Variants in LRRC3B observed in about 807,000 individuals in gnomAD.
LRRC3B encodes leucine rich repeat containing 3B.
Under a neutral mutation model 12.8 loss-of-function variants are expected in LRRC3B, and 2 were observed. The observed-to-expected ratio is 0.16, with a 90% CI of 0.06 to 0.49. The LOEUF (loss-of-function observed/expected upper bound fraction) is 0.49. Among genes scored for constraint, LRRC3B ranks in the 20% least tolerant of loss-of-function variants. The pLI is 0.96. For synonymous variants in LRRC3B, 132 were observed against 122.0 expected (o/e 1.08, Z -0.54); for missense variants, 189 against 319.4 (o/e 0.59, Z 3.11).
intron 1 of LRRC3B, among the ~76,000 whole-genome samples, chr3:26,639,367 A>C (rs1168021919): frequency 6.6e-6 from 1 of 152,168 alleles, no homozygotes; most frequent in Admixed American, 6.5e-5. Context: ...TTTCATTAGA[A>C]ATACTTGACC....
intron 1 of LRRC3B, among the ~76,000 whole-genome samples, chr3:26,674,846 G>T (rs763121488): frequency 6.6e-6 from 1 of 152,040 alleles, no homozygotes; most frequent in African/African-American, 2.4e-5. Context: ...GAGGTTGCCC[G>T]GCCTAATACC....
At chr3:26,687,255 A>G (rs1448547764) in intron 1 of LRRC3B, among the ~76,000 whole-genome samples, 1 of 152,198 alleles carries the variant, frequency 6.6e-6, no homozygotes, top group African/African-American at 2.4e-5. Context: ...CCTTTTCATT[A>G]TCCTTTAGGA....
At chr3:26,641,293 C>T (rs1393936411) in intron 1 of LRRC3B, among the ~76,000 whole-genome samples, 1 of 152,112 alleles carries the variant, frequency 6.6e-6, no homozygotes, top group Non-Finnish European at 1.5e-5. Flanking sequence ...AGCTGCACAC[C>T]CAGACTAGGA....
chr3:26,636,925 TCTTTCTTTCTTTC>T (rs1698902896), intron 1 of LRRC3B, among the ~76,000 whole-genome samples: 1 of 66,456 alleles, frequency 1.5e-5, no homozygotes, highest in Non-Finnish European at 2.6e-5. Context: ...TCTCTTTCTT[TCTTTCTTTCTTTC>T]TTTCTTTCTT....
chr3:26,664,343 A>G (rs1394397370), intron 1 of LRRC3B, among the ~76,000 whole-genome samples: 1 of 152,014 alleles, frequency 6.6e-6, no homozygotes, highest in Non-Finnish European at 1.5e-5. Context: ...TATACACAAT[A>G]TCCTTTCAGG....
intron 1 of LRRC3B, among the ~76,000 whole-genome samples, chr3:26,664,645 A>G (rs1162709708): frequency 1.3e-5 from 2 of 152,152 alleles, no homozygotes; most frequent in Non-Finnish European, 2.9e-5. Context: ...GGAAGTAAAG[A>G]GAAGGCCAAG....
intron 1 of LRRC3B, among the ~76,000 whole-genome samples, chr3:26,632,608 TAGAACTATTGA>T (rs1177665646): frequency 1.3e-5 from 2 of 152,072 alleles, no homozygotes; most frequent in Non-Finnish European, 2.9e-5. Flanking sequence ...AAAGGATTTG[TAGAACTATTGA>T]AGTAGGGTAA....
chr3:26,666,084 A>G, intron 1 of LRRC3B, among the ~76,000 whole-genome samples: 1 of 151,678 alleles, frequency 6.6e-6, no homozygotes, highest in East Asian at 2.0e-4. Flanking sequence ...AGTGAAGGAG[A>G]GAGAACCATG....
At chr3:26,684,763 C>T (rs754032540) in intron 1 of LRRC3B, among the ~76,000 whole-genome samples, 26 of 152,268 alleles carry the variant, frequency 1.7e-4, no homozygotes, top group Middle Eastern at 3.4e-3. Context: ...AATGTCAACA[C>T]GTGTTTTGGA....
At chr3:26,705,437 A>C (rs1433352801) in intron 1 of LRRC3B, among the ~76,000 whole-genome samples, 1 of 151,546 alleles carries the variant, frequency 6.6e-6, no homozygotes, top group Non-Finnish European at 1.5e-5. Flanking sequence ...GCAGAGGGGG[A>C]GTTAGGAGGG....
rs1559350408 is a variant in LRRC3B at position 26,636,962 on chromosome 3, CTTTCTT to C, written c.-161+13727_-161+13732del. On this transcript the variant is annotated intron_variant, in intron 1 of 1. Transcript: ENST00000396641. ...TCTTTCTTTCTTTCTTTCTTTCTTT[CTTTCTT>C]TCTTTCTCTCTCTCTCTTTCTCTCT... Among the ~76,000 whole-genome samples, 246 of 124,178 alleles carry C rather than the reference CTTTCTT, an allele frequency of 2.0e-3. 2 individuals are homozygous for C. Among genetic ancestry groups the C allele is most frequent in the South Asian group, 5.8e-3 (20 of 3,420 alleles). The allele number at this position is 124,178 out of a possible 152,430, so 81.5% of individuals were successfully genotyped here. A position where few individuals can be genotyped will look rare whatever the true frequency, so the allele number is the denominator to read the frequency against.
intron 1 of LRRC3B, among the ~76,000 whole-genome samples, chr3:26,647,173 G>A (rs1699170244): frequency 6.6e-6 from 1 of 151,936 alleles, no homozygotes; most frequent in Admixed American, 6.6e-5. Flanking sequence ...ACTTTTTTCA[G>A]TTCTCAGCTC....
chr3:26,666,292 A>G (rs1489147954), intron 1 of LRRC3B, among the ~76,000 whole-genome samples: 1 of 152,130 alleles, frequency 6.6e-6, no homozygotes, highest in Admixed American at 6.5e-5. Context: ...AAAGGAAAGG[A>G]AAATACATGG....
chr3:26,662,300 C>A (rs1699507963), intron 1 of LRRC3B, among the ~76,000 whole-genome samples: 1 of 152,076 alleles, frequency 6.6e-6, no homozygotes, highest in South Asian at 2.1e-4. Flanking sequence ...CAGTTTAATG[C>A]AAGAAAAATA....
intron 1 of LRRC3B, among the ~76,000 whole-genome samples, chr3:26,693,827 T>G (rs925949537): frequency 3.3e-5 from 5 of 152,190 alleles, no homozygotes; most frequent in African/African-American, 1.2e-4. Flanking sequence ...TATTAAATAA[T>G]CTTTTCAAAA....
intron 1 of LRRC3B, among the ~76,000 whole-genome samples, chr3:26,693,285 C>T (rs7613745): frequency 0.04 from 5,702 of 140,854 alleles, 436 homozygotes; most frequent in African/African-American, 0.15. Flanking sequence ...GTCGAGATCG[C>T]GCCACTGCAC....
At chr3:26,655,857 A>G (rs1699362427) in intron 1 of LRRC3B, among the ~76,000 whole-genome samples, 1 of 152,076 alleles carries the variant, frequency 6.6e-6, no homozygotes, top group Non-Finnish European at 1.5e-5. Flanking sequence ...ACATTGTGAT[A>G]TGGTTTAAAA....
rs1408679641 is a variant in LRRC3B, at chr3:26,675,795, ATTG to A, written c.-160-33712_-160-33710del. ...AAATAGGTTGATATGAAACGCCTTA[ATTG>A]TTGTTTCTTGGGAAAAACTAGCCCT... On this transcript the variant is annotated intron_variant, in intron 1 of 1. Transcript: ENST00000396641. Among the ~76,000 whole-genome samples, 155 of 152,152 alleles carry A rather than the reference ATTG, an allele frequency of 1.0e-3. 4 individuals carry two copies. The highest frequency in any genetic ancestry group is 3.2e-3 in the Middle Eastern group (1 of 316).
chr3:26,678,298 A>G (rs1699903017), intron 1 of LRRC3B, among the ~76,000 whole-genome samples: 1 of 152,088 alleles, frequency 6.6e-6, no homozygotes, highest in Non-Finnish European at 1.5e-5. Flanking sequence ...GTTTGAGACC[A>G]GCCTGGTCAA....
Sources: gnomAD v4.1 joint callset for allele counts (sites outside exome capture counted in the v4.1 genomes callset) on GRCh38, gnomAD v4.1.1 for gene constraint, MANE v1.5 for transcripts, NCBI Gene and HGNC (gene_info 2026-07-23, HGNC 2026-07-21) for gene names.